TRIO: variants seen among roughly 807,000 people sequenced by gnomAD.
The protein encoded by TRIO is triple functional domain protein.
Under a neutral mutation model 351.9 loss-of-function variants are expected in TRIO, and 58 were observed. That is an observed-to-expected ratio of 0.16 (90% confidence interval 0.13 to 0.21). The LOEUF is 0.21. TRIO is among the 10% of genes least tolerant of loss of function. The pLI is 1.00. For synonymous variants in TRIO, 1,758 were observed against 1,595.7 expected, an observed-to-expected ratio of 1.10 and a Z score of -2.42; for missense variants, 3,201 against 4,027.8, an observed-to-expected ratio of 0.79 and a Z score of 5.56.
intron 12 of TRIO, among the ~76,000 whole-genome samples, chr5:14,358,946 G>T (rs533019769): frequency 1.3e-5 from 2 of 152,306 alleles, no homozygotes; most frequent in Admixed American, 6.5e-5. Flanking sequence ...TGCTGAGAGA[G>T]GCAGGCAGCA....
chr5:14,391,720 G>A (rs989475709), intron 27 of TRIO, among the ~76,000 whole-genome samples: 2 of 152,254 alleles, frequency 1.3e-5, no homozygotes, highest in Non-Finnish European at 2.9e-5. Context: ...AAGGTTGTGA[G>A]GATGTTGGAC....
intron 55 of TRIO, among the ~76,000 whole-genome samples, chr5:14,506,397 C>T (rs140310982): frequency 2.8e-4 from 42 of 152,284 alleles, no homozygotes; most frequent in African/African-American, 8.7e-4. Context: ...CAGCATAGGC[C>T]GGTGTTGAGA....
chr5:14,253,815 C>T (rs1226199772), intron 1 of TRIO, among the ~76,000 whole-genome samples: 3 of 152,160 alleles, frequency 2.0e-5, no homozygotes, highest in Non-Finnish European at 4.4e-5. Flanking sequence ...CACTCTCATT[C>T]TCTCCAAAGT....
At chr5:14,287,827 A>C (rs1736577625) in intron 4 of TRIO, among the ~76,000 whole-genome samples, 1 of 152,192 alleles carries the variant, frequency 6.6e-6, no homozygotes, top group Non-Finnish European at 1.5e-5. Context: ...GGTTGAATAG[A>C]TTGCTTCCTC....
At chr5:14,307,349 G>T (rs1738466808) in intron 8 of TRIO, among the ~76,000 whole-genome samples, 1 of 152,126 alleles carries the variant, frequency 6.6e-6, no homozygotes, top group South Asian at 2.1e-4. Context: ...CCAGCAATGT[G>T]CGCTACATTT....
Position 14,280,410 on chromosome 5 carries a change from C to G in TRIO, c.321C>G (p.Leu107=), listed in dbSNP as rs764200107. 1 of 1,614,020 alleles carries G rather than the reference C, an allele frequency of 6.2e-7. No individual in the cohort carries two copies. The highest frequency in any genetic ancestry group is 1.7e-5 in the Admixed American group (1 of 60,012). The change falls in exon 3 of 57, where the codon CTC becomes CTG. Residue 107 remains leucine (L), a synonymous_variant. Transcript: ENST00000344204. ...TACGACAGGAGGATCTCAGGAGACT[C>G]ATTTCCTATCTAGCCTGTATTCCCA... ...DRIRQEDLRR[L]ISYLACIPSE...
At chr5:14,499,383 G>T (rs1158531209) in intron 53 of TRIO, among the ~76,000 whole-genome samples, 1 of 152,240 alleles carries the variant, frequency 6.6e-6, no homozygotes, top group Non-Finnish European at 1.5e-5. Context: ...TGAGAAAGGT[G>T]TGGACTGTTC....
At chr5:14,260,105 A>G (rs975988435) in intron 1 of TRIO, among the ~76,000 whole-genome samples, 1 of 152,242 alleles carries the variant, frequency 6.6e-6, no homozygotes, top group African/African-American at 2.4e-5. Context: ...GTTATTATTC[A>G]CTAATGGGCT....
intron 1 of TRIO, among the ~76,000 whole-genome samples, chr5:14,179,309 A>G (rs1447704643): frequency 1.3e-5 from 2 of 152,200 alleles, no homozygotes; most frequent in Non-Finnish European, 2.9e-5. Flanking sequence ...AGTTAGAGGA[A>G]TTGTTTTGTA....
At chr5:14,498,041 A>T in intron 51 of TRIO, 48 bp from the exon 52 acceptor site, 1 of 1,612,748 alleles carries the variant, frequency 6.2e-7, no homozygotes, top group Non-Finnish European at 8.5e-7. Flanking sequence ...GTGGGTGTGG[A>T]GGAGGAGCCA....
chr5:14,501,524 C>T (rs1414421099), intron 53 of TRIO, among the ~76,000 whole-genome samples: 1 of 152,190 alleles, frequency 6.6e-6, no homozygotes, highest in Non-Finnish European at 1.5e-5. Flanking sequence ...GCTGGCAGCA[C>T]ATGGCATCCA....
chr5:14,332,926 A>G (rs1581638340), intron 10 of TRIO, among the ~76,000 whole-genome samples: 1 of 152,198 alleles, frequency 6.6e-6, no homozygotes, highest in East Asian at 1.9e-4. Flanking sequence ...CTTTTGGTGA[A>G]TACTAGCCTT....
chr5:14,263,225 A>G (rs1795463889), intron 1 of TRIO, among the ~76,000 whole-genome samples: 2 of 152,204 alleles, frequency 1.3e-5, no homozygotes, highest in African/African-American at 4.8e-5. Context: ...GCTAAGGTCA[A>G]CAAAGGCTCT....
At chr5:14,205,355 T>C (rs1018502876) in intron 1 of TRIO, among the ~76,000 whole-genome samples, 1 of 152,234 alleles carries the variant, frequency 6.6e-6, no homozygotes, top group Non-Finnish European at 1.5e-5. Context: ...GTCCCCGTAA[T>C]GTAGCAGCTA....
At chr5:14,190,578 G>A (rs552252860) in intron 1 of TRIO, among the ~76,000 whole-genome samples, 2 of 152,056 alleles carry the variant, frequency 1.3e-5, no homozygotes, top group Admixed American at 1.3e-4. Flanking sequence ...GCTTGTGGCC[G>A]TTCCTGCCCT....
intron 4 of TRIO, among the ~76,000 whole-genome samples, chr5:14,289,122 T>C (rs1017643920): frequency 2.6e-5 from 4 of 152,106 alleles, no homozygotes; most frequent in Non-Finnish European, 5.9e-5. Flanking sequence ...GCGCGGTGGC[T>C]CATGCCTGTA....
chr5:14,343,995 G>T (rs1742177041), intron 11 of TRIO, among the ~76,000 whole-genome samples: 1 of 152,254 alleles, frequency 6.6e-6, no homozygotes, highest in African/African-American at 2.4e-5. Context: ...AGAGTAGAAA[G>T]TTCAGTGTAT....
intron 19 of TRIO, among the ~76,000 whole-genome samples, chr5:14,376,772 A>G (rs188927337): frequency 6.6e-6 from 1 of 152,346 alleles, no homozygotes; most frequent in Non-Finnish European, 1.5e-5. Flanking sequence ...TTAAATTCCC[A>G]GTTCAAAGGA....
At chr5:14,358,026 T>C (rs1743791266) in intron 11 of TRIO, 152 bp from the exon 12 acceptor site, 1 of 913,110 alleles carries the variant, frequency 1.1e-6, no homozygotes, top group Non-Finnish European at 1.6e-6. Context: ...CTCCCTCCCG[T>C]CCTTCCTTCC....
Sources: gnomAD v4.1 joint callset for allele counts (sites outside exome capture counted in the v4.1 genomes callset) on GRCh38, gnomAD v4.1.1 for gene constraint, MANE v1.5 for transcripts, NCBI Gene and HGNC (gene_info 2026-07-23, HGNC 2026-07-21) for gene names.